Variants in ADAMTSL1 observed in about 807,000 individuals in gnomAD.
The protein encoded by ADAMTSL1 is ADAMTS-like protein 1.
ADAMTSL1 carries 126 observed loss-of-function variants against 201.8 expected under a neutral mutation model. The ratio of observed to expected loss-of-function variants is 0.62; its 90% CI spans 0.54 to 0.72. ADAMTSL1 has a LOEUF of 0.72. ADAMTSL1 is among the 30% of genes least tolerant of loss of function. The pLI is 0.00. For missense variants in ADAMTSL1, 2,679 were observed against 2,277.8 expected, an observed-to-expected ratio of 1.18 and a Z score of -3.59; for synonymous variants, 1,121 against 903.4, an observed-to-expected ratio of 1.24 and a Z score of -4.32.
intron 1 of ADAMTSL1, among the ~76,000 whole-genome samples, chr9:18,153,288 C>G (rs1219175486): frequency 2.6e-5 from 4 of 152,070 alleles, no homozygotes; most frequent in African/African-American, 9.7e-5. Context: ...AATCTATACT[C>G]TGACCCTTAT....
intron 2 of ADAMTSL1, among the ~76,000 whole-genome samples, chr9:18,531,782 C>T (rs1439652523): frequency 6.6e-6 from 1 of 152,134 alleles, no homozygotes; most frequent in Non-Finnish European, 1.5e-5. Context: ...ATCACAGAAG[C>T]TCTGTGGACG....
At chr9:18,399,910 A>G (rs553022759) in intron 2 of ADAMTSL1, among the ~76,000 whole-genome samples, 1 of 152,248 alleles carries the variant, frequency 6.6e-6, no homozygotes, top group Non-Finnish European at 1.5e-5. Flanking sequence ...AACTCAGGAA[A>G]GGACTGTGTT....
chr9:18,674,234 C>T (rs1393341572), intron 9 of ADAMTSL1, among the ~76,000 whole-genome samples: 2 of 131,088 alleles, frequency 1.5e-5, no homozygotes, highest in African/African-American at 5.3e-5. Context: ...ACACACACAT[C>T]ATGAAAATTT....
intron 1 of ADAMTSL1, among the ~76,000 whole-genome samples, chr9:18,045,245 T>G (rs1821609002): frequency 6.6e-6 from 1 of 152,144 alleles, no homozygotes; most frequent in South Asian, 2.1e-4. Flanking sequence ...CACAACTGAG[T>G]ATATGTAGTT....
chr9:18,751,775 T>C (rs1819482097), intron 15 of ADAMTSL1, among the ~76,000 whole-genome samples: 3 of 152,136 alleles, frequency 2.0e-5, no homozygotes, highest in Admixed American at 2.0e-4. Context: ...TTTGGATATA[T>C]AGAAATGAAA....
At chr9:18,690,090 A>G (rs942546833) in intron 13 of ADAMTSL1, among the ~76,000 whole-genome samples, 5 of 152,350 alleles carry the variant, frequency 3.3e-5, no homozygotes, top group East Asian at 1.9e-4. Flanking sequence ...GGTTTATTCA[A>G]TAAGAAGCAA....
intron 1 of ADAMTSL1, among the ~76,000 whole-genome samples, chr9:18,009,626 G>C (rs1360236): frequency 0.51 from 77,056 of 151,898 alleles, 19,655 homozygotes; most frequent in South Asian, 0.53. Context: ...AATGAGAGAT[G>C]TGTTGGTTTG....
At chr9:18,164,663 A>G (rs1164594210) in intron 2 of ADAMTSL1, among the ~76,000 whole-genome samples, 1 of 151,848 alleles carries the variant, frequency 6.6e-6, no homozygotes, top group Non-Finnish European at 1.5e-5. Context: ...TATTCATATT[A>G]GAATTAGAGG....
intron 2 of ADAMTSL1, among the ~76,000 whole-genome samples, chr9:18,431,154 C>A (rs192862868): frequency 1.8e-4 from 27 of 152,300 alleles, no homozygotes; most frequent in African/African-American, 6.5e-4. Context: ...GGACAATATC[C>A]ACAAAGTAGA....
intron 1 of ADAMTSL1, among the ~76,000 whole-genome samples, chr9:18,162,865 C>G (rs1415556561): frequency 1.3e-5 from 2 of 151,780 alleles, no homozygotes; most frequent in Non-Finnish European, 2.9e-5. Context: ...TTTACTTGTT[C>G]CTTGAGCAGA....
chr9:18,503,842 G>C (rs1822979387), intron 1 of ADAMTSL1, among the ~76,000 whole-genome samples: 1 of 152,098 alleles, frequency 6.6e-6, no homozygotes, highest in Non-Finnish European at 1.5e-5. Context: ...GGAGTAGTCA[G>C]TTTAATAACC....
At chr9:18,655,471 C>G (rs1434735041) in intron 7 of ADAMTSL1, among the ~76,000 whole-genome samples, 1 of 152,032 alleles carries the variant, frequency 6.6e-6, no homozygotes, top group African/African-American at 2.4e-5. Context: ...GTTTAGCTCC[C>G]TAAACCAAAT....
intron 2 of ADAMTSL1, among the ~76,000 whole-genome samples, chr9:18,404,094 T>C (rs1283613396): frequency 4.6e-5 from 7 of 152,230 alleles, no homozygotes; most frequent in Admixed American, 4.6e-4. Context: ...ATGATGTTAC[T>C]TATCCTTCTC....
intron 1 of ADAMTSL1, among the ~76,000 whole-genome samples, chr9:18,100,949 T>C (rs1824487663): frequency 1.3e-5 from 2 of 152,232 alleles, no homozygotes; most frequent in African/African-American, 4.8e-5. Context: ...CAAACATTAA[T>C]ACCTTTCCAG....
At chr9:18,604,976 C>T (rs746983168) in intron 4 of ADAMTSL1, among the ~76,000 whole-genome samples, 1 of 152,152 alleles carries the variant, frequency 6.6e-6, no homozygotes, top group Non-Finnish European at 1.5e-5. Flanking sequence ...TAGGACAATA[C>T]CATTCCCATA....
At chr9:18,001,065 A>G (rs1253398187) in intron 1 of ADAMTSL1, among the ~76,000 whole-genome samples, 1 of 152,078 alleles carries the variant, frequency 6.6e-6, no homozygotes, top group African/African-American at 2.4e-5. Context: ...ATTGCCAGGA[A>G]AAAATGAATG....
At chr9:18,591,008 G>T (rs1268313943) in intron 4 of ADAMTSL1, among the ~76,000 whole-genome samples, 2 of 152,140 alleles carry the variant, frequency 1.3e-5, no homozygotes, top group Admixed American at 6.6e-5. Context: ...TTCTGTAGCA[G>T]TTGGATGAAA....
At chr9:18,647,935 G>A (rs1031984484) in intron 7 of ADAMTSL1, among the ~76,000 whole-genome samples, 1 of 149,708 alleles carries the variant, frequency 6.7e-6, no homozygotes, top group Admixed American at 6.7e-5. Flanking sequence ...CAATTCCTGG[G>A]TATCCTTTTT....
chr9:18,455,628 C>T (rs892152316), intron 2 of ADAMTSL1, among the ~76,000 whole-genome samples: 7 of 152,010 alleles, frequency 4.6e-5, no homozygotes, highest in African/African-American at 1.7e-4. Context: ...ATTCACTTTC[C>T]TTCTTCAGAC....
Sources: gnomAD v4.1 joint callset for allele counts (sites outside exome capture counted in the v4.1 genomes callset) on GRCh38, gnomAD v4.1.1 for gene constraint, MANE v1.5 for transcripts, NCBI Gene and HGNC (gene_info 2026-07-23, HGNC 2026-07-21) for gene names.